B4GALT6: variants seen among roughly 807,000 people sequenced by gnomAD.
B4GALT6 encodes beta-1,4-galactosyltransferase 6, also known as UDP-Gal:beta-GlcNAc beta-1,4-galactosyltransferase 6.
In B4GALT6, 14 loss-of-function variants were observed where a neutral mutation model predicts 46.3. That is an observed-to-expected ratio of 0.30 (90% confidence interval 0.20 to 0.47). The LOEUF is 0.47. Ranked by LOEUF, B4GALT6 falls within the 20% of genes least tolerant of loss-of-function variation. The pLI is 0.99. For missense variants in B4GALT6, 386 were observed against 480.1 expected (o/e 0.80, Z 1.83); for synonymous variants, 168 against 162.0 (o/e 1.04, Z -0.28).
chr18:31,708,991 T>A, the B4GALT6 span, among the ~76,000 whole-genome samples: 1 of 152,228 alleles, frequency 6.6e-6, no homozygotes, highest in Non-Finnish European at 1.5e-5. Context: ...TTGTAAGCAA[T>A]AGAGGTGAAT....
At chr18:31,691,791 T>G in the B4GALT6 span, among the ~76,000 whole-genome samples, 1 of 152,186 alleles carries the variant, frequency 6.6e-6, no homozygotes, top group African/African-American at 2.4e-5. Context: ...AATGTTTCTG[T>G]GTCTGAAACA....
the B4GALT6 span, among the ~76,000 whole-genome samples, chr18:31,703,133 CTT>C: frequency 2.6e-5 from 4 of 152,108 alleles, no homozygotes; most frequent in Admixed American, 1.3e-4. Context: ...AAGGGAAACT[CTT>C]TGGTTTAACA....
intron 7 of B4GALT6, 49 bp downstream of exon 7, chr18:31,626,950 A>G (rs111385956): frequency 2.0e-5 from 30 of 1,523,336 alleles, no homozygotes; most frequent in African/African-American, 2.0e-4. Context: ...CCTAATATAA[A>G]TAAGATTTAT....
the B4GALT6 span, among the ~76,000 whole-genome samples, chr18:31,692,350 G>A: frequency 6.6e-6 from 1 of 152,088 alleles, no homozygotes; most frequent in Admixed American, 6.6e-5. Flanking sequence ...CAAGTTGCTC[G>A]CATTCTCTTC....
intron 3 of B4GALT6, among the ~76,000 whole-genome samples, chr18:31,653,622 G>T (rs2074103482): frequency 6.6e-6 from 1 of 151,416 alleles, no homozygotes; most frequent in Non-Finnish European, 1.5e-5. Context: ...TTGTGTGTGT[G>T]TTTTTGGTAG....
chr18:31,650,787 G>T (rs1384176175), intron 3 of B4GALT6, among the ~76,000 whole-genome samples: 1 of 151,558 alleles, frequency 6.6e-6, no homozygotes, highest in Non-Finnish European at 1.5e-5. Flanking sequence ...CATTTTTTTT[G>T]AGACGGAGTC....
At chr18:31,648,843 T>C (rs955186730) in intron 3 of B4GALT6, among the ~76,000 whole-genome samples, 1 of 152,254 alleles carries the variant, frequency 6.6e-6, no homozygotes, top group South Asian at 2.1e-4. Flanking sequence ...GTTTGTTCTA[T>C]AAATCAATAG....
chr18:31,657,219 AT>A (rs556398305), intron 3 of B4GALT6, among the ~76,000 whole-genome samples: 4 of 151,360 alleles, frequency 2.6e-5, no homozygotes, highest in East Asian at 3.9e-4. Flanking sequence ...ATATATATAT[AT>A]TTTTTTTGCT....
upstream of B4GALT6, among the ~76,000 whole-genome samples, chr18:31,687,503 T>C (rs2029968306): frequency 6.6e-6 from 1 of 152,178 alleles, no homozygotes; most frequent in Admixed American, 6.5e-5. Flanking sequence ...ACTGAGCCTT[T>C]CCAAACCCAC....
At chr18:31,673,226 T>C (rs1264846386) in intron 1 of B4GALT6, among the ~76,000 whole-genome samples, 1 of 151,134 alleles carries the variant, frequency 6.6e-6, no homozygotes, top group Admixed American at 6.6e-5. Context: ...TGAGTGGAGA[T>C]GGGTAGTAAC....
intron 1 of B4GALT6, among the ~76,000 whole-genome samples, chr18:31,667,551 T>C (rs142380084): frequency 4.2e-4 from 64 of 152,312 alleles, no homozygotes; most frequent in African/African-American, 1.5e-3. Context: ...TTTATGTAAA[T>C]GTGAACTTGC....
chr18:31,641,738 A>G (rs2073933117), intron 4 of B4GALT6, among the ~76,000 whole-genome samples: 1 of 152,216 alleles, frequency 6.6e-6, no homozygotes, highest in African/African-American at 2.4e-5. Context: ...CTCTTGATCA[A>G]GCAAAATTAT....
chr18:31,717,711 T>C, the B4GALT6 span, among the ~76,000 whole-genome samples: 1 of 152,080 alleles, frequency 6.6e-6, no homozygotes, highest in South Asian at 2.1e-4. Flanking sequence ...TCCCAGCACT[T>C]TGGGAGGCCG....
chr18:31,643,114 G>T lies in B4GALT6; in HGVS notation c.471+2241C>A, dbSNP rs1031140691. 3.3e-5 allele frequency among the ~76,000 whole-genome samples: 5 copies of T among 152,250 alleles called. No individual in the cohort carries two copies. The East Asian group carries it at 9.6e-4, about 29-fold the overall frequency. The stretch of plus-strand genomic sequence containing the variant: ...GTAAGCAGGCAGGGACGGGTAGGGG[G>T]AGAAACCATTTAACTAAATATTTAG... On this transcript the variant is annotated intron_variant, in intron 4 of 8. Transcript: ENST00000306851.
At chr18:31,714,962 C>A in the B4GALT6 span, among the ~76,000 whole-genome samples, 3 of 152,154 alleles carry the variant, frequency 2.0e-5, no homozygotes, top group African/African-American at 4.8e-5. Context: ...ACAAGATTCC[C>A]AGTTAAATCT....
At chr18:31,670,180 A>G (rs2144703004) in intron 1 of B4GALT6, among the ~76,000 whole-genome samples, 1 of 152,080 alleles carries the variant, frequency 6.6e-6, no homozygotes, top group Admixed American at 6.5e-5. Context: ...CAGTCTCACA[A>G]GTAGCTGGAA....
chr18:31,637,554 T>C (rs1273587220), intron 5 of B4GALT6, among the ~76,000 whole-genome samples: 1 of 152,158 alleles, frequency 6.6e-6, no homozygotes, highest in Non-Finnish European at 1.5e-5. Flanking sequence ...GTTTAATGTA[T>C]ACTACTTTTT....
intron 3 of B4GALT6, among the ~76,000 whole-genome samples, chr18:31,649,867 A>T (rs1317101005): frequency 6.6e-6 from 1 of 152,248 alleles, no homozygotes; most frequent in African/African-American, 2.4e-5. Context: ...CAAAAAACAT[A>T]AAACAGAACT....
the B4GALT6 span, among the ~76,000 whole-genome samples, chr18:31,708,141 G>T: frequency 2.6e-4 from 40 of 152,300 alleles, no homozygotes; most frequent in East Asian, 3.5e-3. Context: ...TCTACAGAAG[G>T]TTTGGCATGA....
Sources: allele counts gnomAD v4.1 joint callset (sites outside exome capture counted in the v4.1 genomes callset), GRCh38; gene constraint gnomAD v4.1.1; transcripts MANE v1.5; gene names NCBI Gene and HGNC (gene_info 2026-07-23, HGNC 2026-07-21).